Variants in GPHN observed in about 807,000 individuals in gnomAD.
GPHN encodes gephyrin.
In GPHN, 17 loss-of-function variants were observed where a neutral mutation model predicts 95.5. That is an observed-to-expected ratio of 0.18 (90% confidence interval 0.12 to 0.27). The LOEUF (loss-of-function observed/expected upper bound fraction) is 0.27, where lower values mean the gene tolerates loss of function less well. Among genes scored for constraint, GPHN ranks in the 10% least tolerant of loss-of-function variants. The pLI, the probability that GPHN is intolerant of heterozygous loss-of-function variation, is 1.00. For missense variants in GPHN, 660 were observed against 978.1 expected (o/e 0.67, Z 4.34); for synonymous variants, 320 against 322.5 (o/e 0.99, Z 0.08).
intron 1 of GPHN, among the ~76,000 whole-genome samples, chr14:66,579,139 G>A (rs1272142080): frequency 6.6e-6 from 1 of 151,760 alleles, no homozygotes; most frequent in Non-Finnish European, 1.5e-5. Context: ...AAAATAGCCT[G>A]TTACAACCGT....
At chr14:67,025,851 C>T (rs1224955159) in intron 10 of GPHN, among the ~76,000 whole-genome samples, 1 of 152,196 alleles carries the variant, frequency 6.6e-6, no homozygotes, top group Non-Finnish European at 1.5e-5. Context: ...GAACCTCTTT[C>T]GTGGCCACCA....
intron 17 of GPHN, among the ~76,000 whole-genome samples, chr14:67,125,392 G>C (rs1322400649): frequency 6.6e-6 from 1 of 152,174 alleles, no homozygotes; most frequent in Non-Finnish European, 1.5e-5. Flanking sequence ...TTGTCACACA[G>C]AAGCATCTGG....
At chr14:66,577,765 G>A (rs1054818044) in intron 1 of GPHN, among the ~76,000 whole-genome samples, 1 of 151,806 alleles carries the variant, frequency 6.6e-6, no homozygotes, top group African/African-American at 2.4e-5. Context: ...AGGAGAGGAC[G>A]AATGAGATTT....
At chr14:67,726,273 T>A in the GPHN span, 1 of 745,234 alleles carries the variant, frequency 1.3e-6, no homozygotes, top group African/African-American at 1.7e-5. Flanking sequence ...GGAATTCCAA[T>A]AGACTAGACC....
At chr14:66,633,901 C>G (rs985491197) in intron 1 of GPHN, among the ~76,000 whole-genome samples, 1 of 149,718 alleles carries the variant, frequency 6.7e-6, no homozygotes, top group African/African-American at 2.5e-5. Context: ...TTGCAGGATG[C>G]TTTAAGACAT....
chr14:66,881,519 C>T (rs1390415745), intron 5 of GPHN, among the ~76,000 whole-genome samples: 1 of 151,652 alleles, frequency 6.6e-6, no homozygotes, highest in Non-Finnish European at 1.5e-5. Flanking sequence ...TGCTTATTTG[C>T]CAAGTCCCAT....
At chr14:67,561,411 C>G in the GPHN span, among the ~76,000 whole-genome samples, 1 of 152,098 alleles carries the variant, frequency 6.6e-6, no homozygotes, top group South Asian at 2.1e-4. Flanking sequence ...ATTAGCCGGG[C>G]ATAGTGGCGT....
chr14:67,473,301 T>G, the GPHN span: 2 of 1,416,526 alleles, frequency 1.4e-6, no homozygotes, highest in African/African-American at 2.8e-5. The surrounding 1 kb of genome is among the most constrained non-coding windows in gnomAD (Gnocchi z 6.5). Context: ...GTGTGCCCTA[T>G]AGGGCTGAGG....
the GPHN span, among the ~76,000 whole-genome samples, chr14:67,195,489 G>C: frequency 6.6e-6 from 1 of 152,162 alleles, no homozygotes; most frequent in Non-Finnish European, 1.5e-5. Context: ...TGATTAGCAA[G>C]TGTGAACCGT....
intron 18 of GPHN, among the ~76,000 whole-genome samples, chr14:67,149,015 A>G (rs1462189240): frequency 6.6e-6 from 1 of 152,110 alleles, no homozygotes; most frequent in Admixed American, 6.6e-5. Flanking sequence ...CCCAGAAGTT[A>G]AAGAGATTTT....
At chr14:66,820,331 A>C (rs1472460519) in intron 3 of GPHN, among the ~76,000 whole-genome samples, 1 of 152,154 alleles carries the variant, frequency 6.6e-6, no homozygotes, top group African/African-American at 2.4e-5. Context: ...TGGAACTTGC[A>C]CAGAAAAAAA....
At chr14:67,577,239 G>A in the GPHN span, 1 of 1,007,492 alleles carries the variant, frequency 9.9e-7, no homozygotes, top group African/African-American at 1.6e-5. Flanking sequence ...ATGGCGGTGA[G>A]TGGGAGATGA....
chr14:67,691,537 T>TA, the GPHN span: 1 of 264,752 alleles, frequency 3.8e-6, no homozygotes, highest in South Asian at 7.8e-5. Context: ...CCTCTCTCAA[T>TA]AAAAAGACTT....
chr14:67,696,374 C>T, the GPHN span, among the ~76,000 whole-genome samples: 1 of 152,106 alleles, frequency 6.6e-6, no homozygotes, highest in East Asian at 1.9e-4. Flanking sequence ...AGGAGCGGTC[C>T]GAAGTCTGAC....
intron 4 of GPHN, among the ~76,000 whole-genome samples, chr14:66,833,576 T>A (rs2061667688): frequency 6.6e-6 from 1 of 152,146 alleles, no homozygotes; most frequent in African/African-American, 2.4e-5. Flanking sequence ...AGACTCTTTT[T>A]TGAATCAGCA....
chr14:66,571,502 A>G (rs1048988855), intron 1 of GPHN, among the ~76,000 whole-genome samples: 1 of 152,010 alleles, frequency 6.6e-6, no homozygotes, highest in African/African-American at 2.4e-5. Context: ...CTAGAATCCC[A>G]TTTGTCTATT....
At chr14:66,753,194 G>A (rs2058435804) in intron 2 of GPHN, among the ~76,000 whole-genome samples, 2 of 151,968 alleles carry the variant, frequency 1.3e-5, no homozygotes, top group South Asian at 4.2e-4. Context: ...CACTTAACTT[G>A]TTGTTACCAA....
At chr14:66,560,597 C>T (rs1200892616) in intron 1 of GPHN, among the ~76,000 whole-genome samples, 1 of 152,128 alleles carries the variant, frequency 6.6e-6, no homozygotes, top group Admixed American at 6.5e-5. Flanking sequence ...ATTTTGTGTC[C>T]TGAGACTTTG....
chr14:67,311,203 C>A, the GPHN span, among the ~76,000 whole-genome samples: 1 of 148,940 alleles, frequency 6.7e-6, no homozygotes, highest in Admixed American at 6.8e-5. Context: ...CCCAGCTACT[C>A]GGGAGGCTCA....
Sources: allele counts gnomAD v4.1 joint callset (sites outside exome capture counted in the v4.1 genomes callset), GRCh38; gene constraint gnomAD v4.1.1; non-coding constraint Gnocchi (gnomAD v3.1); transcripts MANE v1.5; gene names NCBI Gene and HGNC (gene_info 2026-07-23, HGNC 2026-07-21).